Variants in DMD observed in about 807,000 individuals in gnomAD.
DMD encodes the protein mutant dystrophin.
A neutral mutation model predicts 330.1 loss-of-function variants in DMD; 63 were observed. The ratio of observed to expected loss-of-function variants is 0.19; its 90% CI spans 0.16 to 0.24. DMD has a LOEUF of 0.24. DMD is among the 10% of genes least tolerant of loss of function. The probability of loss-of-function intolerance (pLI) is 1.00; values close to 1 mark genes in which losing one functional copy is unlikely to be tolerated. For missense variants in DMD, 3,344 were observed against 2,684.1 expected, an observed-to-expected ratio of 1.25 and a Z score of -5.43; for synonymous variants, 1,223 against 959.8, an observed-to-expected ratio of 1.27 and a Z score of -5.07.
intron 2 of DMD, among the ~76,000 whole-genome samples, chrX:32,929,827 C>A (rs2089432446): frequency 9.0e-6 from 1 of 111,341 alleles, no homozygotes; most frequent in Non-Finnish European, 1.9e-5. Flanking sequence ...GTTTTCTGTT[C>A]CTGTTTTAGT....
At chrX:32,623,806 C>A (rs1057465199) in intron 11 of DMD, among the ~76,000 whole-genome samples, 1 of 111,707 alleles carries the variant, frequency 9.0e-6, no homozygotes, top group South Asian at 3.7e-4. Flanking sequence ...GGATTACAGG[C>A]GTGAGCCACC....
chrX:32,949,932 G>T (rs2091120018), intron 2 of DMD, among the ~76,000 whole-genome samples: 1 of 105,254 alleles, frequency 9.5e-6, no homozygotes, highest in African/African-American at 3.4e-5. Context: ...GTGACTAAAG[G>T]CAAAATAAAC....
At chrX:32,864,513 A>C (rs1409604689) in intron 2 of DMD, among the ~76,000 whole-genome samples, 4 of 112,234 alleles carry the variant, frequency 3.6e-5, no homozygotes, top group Non-Finnish European at 5.6e-5. Flanking sequence ...AAAAGGTCAG[A>C]TACAGTTATA....
chrX:32,286,350 G>A (rs2097441236), intron 43 of DMD, among the ~76,000 whole-genome samples: 1 of 111,739 alleles, frequency 8.9e-6, no homozygotes, highest in Non-Finnish European at 1.9e-5. Context: ...CCAGATGTTA[G>A]GAGCGACTAA....
At chrX:32,906,440 G>C (rs1352639653) in intron 2 of DMD, among the ~76,000 whole-genome samples, 1 of 111,799 alleles carries the variant, frequency 8.9e-6, no homozygotes. Context: ...TCCAGTGTCA[G>C]GTATTTCTTT....
chrX:32,698,955 G>C (rs1284039451), intron 8 of DMD, among the ~76,000 whole-genome samples, 157 bp downstream of exon 8: 1 of 11,633 alleles, frequency 8.6e-5, no homozygotes, highest in Non-Finnish European at 1.3e-4. Context: ...AATTGAAAAG[G>C]TTTAGTCTGT....
chrX:31,576,905 C>T lies in DMD; in HGVS notation c.8217+50768G>A, dbSNP rs1419564498. Among the ~76,000 whole-genome samples, 5 of 110,588 alleles carry T rather than the reference C, an allele frequency of 4.5e-5. 1 individual carries two copies. The highest frequency in any genetic ancestry group is 9.5e-5 in the Non-Finnish European group (5 of 52,783). ...TAATTTTTTGTGTTTTTAGTAGAGA[C>T]AGGGTTTCACCGTGTTAGCCAGGAT... On this transcript the variant is annotated intron_variant, in intron 55 of 78. Coordinates refer to ENST00000357033, the MANE Select transcript of DMD (RefSeq NM_004006.3).
rs1347634330 is a variant in DMD, at chrX:32,491,455, A to T, written c.2444T>A (p.Phe815Tyr). 8.3e-7 allele frequency: 1 copy of T among 1,209,202 alleles called. No individual in the cohort carries two copies. Among genetic ancestry groups the T allele is most frequent in the African/African-American group, 1.8e-5 (1 of 57,069 alleles). Residue 815 changes from phenylalanine (F) to tyrosine (Y), a missense_variant, in exon 20 of 79, where the codon TTC (phenylalanine) becomes TAC (tyrosine). Phe to Tyr is a conservative substitution (Grantham distance 22). Coordinates refer to ENST00000357033, the MANE Select transcript of DMD (RefSeq NM_004006.3). Reference sequence around the variant, plus strand: ...AAGTCTCTCACTTAGCAACTGGCAGAATTCGATCCACCGGCTGTTCAGTTG... The same window carrying T: ...AAGTCTCTCACTTAGCAACTGGCAGTATTCGATCCACCGGCTGTTCAGTTG... ...SEQLNSRWIE[F>Y]CQLLSERLNW...
chrX:31,565,859 G>A (rs2075436157), intron 55 of DMD, among the ~76,000 whole-genome samples: 1 of 112,010 alleles, frequency 8.9e-6, no homozygotes, highest in South Asian at 3.7e-4. Flanking sequence ...TTCTCTAATG[G>A]CTAATGTTTT....
At chrX:32,441,975 C>G (rs1463474035) in intron 27 of DMD, among the ~76,000 whole-genome samples, 1 of 110,484 alleles carries the variant, frequency 9.1e-6, no homozygotes, top group African/African-American at 3.3e-5. Flanking sequence ...GGAAATATTA[C>G]CACTAATTCA....
chrX:31,639,356 G>T (rs1018965103), intron 54 of DMD, among the ~76,000 whole-genome samples: 2 of 111,795 alleles, frequency 1.8e-5, no homozygotes, highest in African/African-American at 3.3e-5. Flanking sequence ...ATGCATGTAT[G>T]TGGAAACCCT....
intron 18 of DMD, among the ~76,000 whole-genome samples, chrX:32,506,838 G>A (rs1049847030): frequency 9.8e-5 from 11 of 111,740 alleles, no homozygotes; most frequent in Admixed American, 8.5e-4. Context: ...TTCCAGGAAC[G>A]TGCACAATCA....
At chrX:31,189,775 G>A (rs943901880) in intron 67 of DMD, among the ~76,000 whole-genome samples, 1 of 112,469 alleles carries the variant, frequency 8.9e-6, no homozygotes, top group African/African-American at 3.2e-5. Context: ...AAATCTGTAT[G>A]AAGTCAGAAT....
At chrX:32,434,523 A>G (rs1446266054) in intron 29 of DMD, among the ~76,000 whole-genome samples, 3 of 112,796 alleles carry the variant, frequency 2.7e-5, no homozygotes, top group East Asian at 2.8e-4. Flanking sequence ...ATTCTTGATT[A>G]TAACACATTA....
In DMD at chrX:32,728,379, G is replaced by A. The variant is rs757719413; in HGVS notation, c.650-29086C>T. The stretch of plus-strand genomic sequence containing the variant: ...TATAATATTTTTAAATGATCACCAT[G>A]TGAGGTCTATATTCAAATGTCTTTT... On this transcript the variant is annotated intron_variant, in intron 7 of 78. Transcript: ENST00000357033. 6.3e-5 allele frequency among the ~76,000 whole-genome samples: 7 copies of A among 111,706 alleles called. No individual in the cohort carries two copies. In the South Asian group the frequency reaches 1.9e-3, roughly 30 times the overall value.
At chrX:31,496,004 AC>A (rs1429647159) in intron 57 of DMD, among the ~76,000 whole-genome samples, 1 of 112,170 alleles carries the variant, frequency 8.9e-6, no homozygotes, top group Non-Finnish European at 1.9e-5. Context: ...CTGTAAATGT[AC>A]ATTTTTTCTA....
intron 42 of DMD, among the ~76,000 whole-genome samples, chrX:32,295,368 G>A (rs767649953): frequency 8.9e-5 from 10 of 111,867 alleles, no homozygotes; most frequent in South Asian, 7.3e-4. Context: ...TTTTACAACC[G>A]GCAGATGAAA....
rs192054152 is a variant in DMD at position 33,162,931 on chromosome X, T to C, written c.31+48351A>G. Among the ~76,000 whole-genome samples the C allele has an allele frequency of 4.5e-5, 5 of 111,218 alleles. No homozygotes were observed. In the East Asian group the frequency reaches 1.4e-3, roughly 32 times the overall value. ...ACCTGCAATATTAGGTTATTATTTG[T>C]TATATTAGGTCTAGAAACAGCATAA... On this transcript the variant is annotated intron_variant, in intron 1 of 78. Coordinates refer to ENST00000357033, the MANE Select transcript of DMD (RefSeq NM_004006.3).
intron 50 of DMD, among the ~76,000 whole-genome samples, chrX:31,815,844 C>A (rs2092610939): frequency 9.0e-6 from 1 of 111,644 alleles, no homozygotes; most frequent in African/African-American, 3.3e-5. Flanking sequence ...ATCAGAAGGT[C>A]TTGTAGCTTC....
Sources: allele counts gnomAD v4.1 joint callset (sites outside exome capture counted in the v4.1 genomes callset), GRCh38; gene constraint gnomAD v4.1.1; transcripts MANE v1.5; gene names NCBI Gene and HGNC (gene_info 2026-07-23, HGNC 2026-07-21).